RSRC1: variants seen among roughly 807,000 people sequenced by gnomAD.
RSRC1 encodes the protein arginine and serine rich coiled-coil 1.
RSRC1 carries 39 observed loss-of-function variants against 49.1 expected under a neutral mutation model. The ratio of observed to expected loss-of-function variants is 0.79; its 90% CI spans 0.61 to 1.04. The LOEUF (loss-of-function observed/expected upper bound fraction) is 1.04, where lower values mean the gene tolerates loss of function less well. Ranked by LOEUF, RSRC1 falls within the 50% of genes least tolerant of loss-of-function variation. The probability of loss-of-function intolerance (pLI) is 0.00; values close to 1 mark genes in which losing one functional copy is unlikely to be tolerated. For synonymous variants in RSRC1, 143 were observed against 130.8 expected (o/e 1.09, Z -0.63); for missense variants, 388 against 402.4 (o/e 0.96, Z 0.31).
At chr3:158,376,956 G>C (rs1456179646) in intron 6 of RSRC1, among the ~76,000 whole-genome samples, 4 of 152,114 alleles carry the variant, frequency 2.6e-5, no homozygotes, top group South Asian at 4.1e-4. Context: ...TGGGGGTGTT[G>C]TGTTATATAA....
In RSRC1 at chr3:158,252,230, C is replaced by T. The variant is rs548968533; in HGVS notation, c.495-45809C>T. Among the ~76,000 whole-genome samples, 9 of 151,388 alleles carry T rather than the reference C, an allele frequency of 5.9e-5. No individual in the cohort carries two copies. The South Asian group carries it at 6.2e-4, about 10-fold the overall frequency. On this transcript the variant is annotated intron_variant, in intron 4 of 9. Transcript: ENST00000611884. ...AGACTGGAGTGCAGTGGCATGATCTCGGCTCACCGCAAGCTCCACCTCCCG... is the reference window on the plus strand; with the variant it reads ...AGACTGGAGTGCAGTGGCATGATCTTGGCTCACCGCAAGCTCCACCTCCCG...
intron 7 of RSRC1, among the ~76,000 whole-genome samples, chr3:158,468,476 A>T (rs558652371): frequency 1.3e-5 from 2 of 152,262 alleles, no homozygotes; most frequent in South Asian, 4.1e-4. Context: ...TTCAGATGTT[A>T]TTTTTAAAGA....
chr3:158,148,845 G>A (rs1352260610), intron 3 of RSRC1, among the ~76,000 whole-genome samples: 2 of 151,092 alleles, frequency 1.3e-5, no homozygotes, highest in Non-Finnish European at 2.9e-5. Flanking sequence ...GTGCAATGGC[G>A]CGATCTCGGC....
intron 5 of RSRC1, among the ~76,000 whole-genome samples, chr3:158,317,123 G>A (rs1728509026): frequency 6.6e-6 from 1 of 152,218 alleles, no homozygotes; most frequent in African/African-American, 2.4e-5. Context: ...GAGAGCACAT[G>A]ACACCAAGCC....
intron 4 of RSRC1, among the ~76,000 whole-genome samples, chr3:158,229,719 A>T (rs1477358601): frequency 6.6e-6 from 1 of 151,844 alleles, no homozygotes; most frequent in Non-Finnish European, 1.5e-5. Flanking sequence ...TATGCCCTTT[A>T]TCCAGACTCA....
intron 4 of RSRC1, among the ~76,000 whole-genome samples, chr3:158,239,419 C>A (rs909485242): frequency 1.1e-4 from 17 of 152,206 alleles, no homozygotes; most frequent in South Asian, 8.3e-4. Flanking sequence ...ACGTTTATTG[C>A]AGCACTATTC....
At chr3:158,195,087 T>C (rs1578184385) in intron 3 of RSRC1, among the ~76,000 whole-genome samples, 1 of 152,218 alleles carries the variant, frequency 6.6e-6, no homozygotes, top group East Asian at 1.9e-4. Flanking sequence ...TCTTCCACCA[T>C]GGTTGAACTA....
chr3:158,130,148 A>G (rs1380487183), intron 3 of RSRC1, among the ~76,000 whole-genome samples: 1 of 152,000 alleles, frequency 6.6e-6, no homozygotes, highest in East Asian at 1.9e-4. Flanking sequence ...CTTGTGTCCC[A>G]TGTTACATTT....
At chr3:158,307,623 A>G (rs767903184) in intron 5 of RSRC1, among the ~76,000 whole-genome samples, 5 of 151,870 alleles carry the variant, frequency 3.3e-5, no homozygotes, top group Non-Finnish European at 7.4e-5. Context: ...TTAAAATTTA[A>G]AGGGCACTGC....
At chr3:158,336,439 C>T (rs1729894234) in intron 5 of RSRC1, 1 of 156,238 alleles carries the variant, frequency 6.4e-6, no homozygotes, top group South Asian at 2.0e-4. Context: ...TGACCCCCAG[C>T]TCCAGAGGGT....
At chr3:158,285,278 G>C (rs979658377) in intron 4 of RSRC1, among the ~76,000 whole-genome samples, 1 of 152,206 alleles carries the variant, frequency 6.6e-6, no homozygotes, top group African/African-American at 2.4e-5. Context: ...GCAGTACCAT[G>C]CTGTTTTGGT....
intron 5 of RSRC1, among the ~76,000 whole-genome samples, chr3:158,302,428 A>T (rs1343632765): frequency 1.3e-5 from 2 of 152,070 alleles, no homozygotes; most frequent in Non-Finnish European, 2.9e-5. Flanking sequence ...AACTTAAGAA[A>T]ATAATTTTTT....
At chr3:158,374,633 C>T (rs917635575) in intron 6 of RSRC1, among the ~76,000 whole-genome samples, 1 of 152,116 alleles carries the variant, frequency 6.6e-6, no homozygotes, top group Non-Finnish European at 1.5e-5. Context: ...ATATTCAATT[C>T]ATCTAAATGA....
chr3:158,353,917 TTTG>T (rs1252211125), intron 5 of RSRC1, among the ~76,000 whole-genome samples: 4 of 152,108 alleles, frequency 2.6e-5, no homozygotes, highest in South Asian at 4.1e-4. Flanking sequence ...CATGATATAA[TTTG>T]TTGTTGTTGT....
intron 2 of RSRC1, among the ~76,000 whole-genome samples, chr3:158,123,316 A>C (rs944987246): frequency 1.3e-5 from 2 of 151,432 alleles, no homozygotes; most frequent in Admixed American, 1.3e-4. Context: ...CTTAATTTTA[A>C]ATTTTTTTAG....
intron 6 of RSRC1, among the ~76,000 whole-genome samples, chr3:158,424,399 T>G (rs1230049308): frequency 6.6e-6 from 1 of 152,094 alleles, no homozygotes; most frequent in Non-Finnish European, 1.5e-5. Flanking sequence ...TTGCATATGT[T>G]GAACCAGCCT....
chr3:158,168,530 T>C (rs1171364469), intron 3 of RSRC1, among the ~76,000 whole-genome samples: 1 of 152,242 alleles, frequency 6.6e-6, no homozygotes, highest in Non-Finnish European at 1.5e-5. Context: ...AACATCTCAG[T>C]GATTTTCATT....
chr3:158,514,938 A>G (rs1197766812), intron 7 of RSRC1, among the ~76,000 whole-genome samples: 1 of 151,564 alleles, frequency 6.6e-6, no homozygotes, highest in Non-Finnish European at 1.5e-5. Flanking sequence ...TAGGATTGCA[A>G]CCCCTACCTT....
chr3:158,112,892 G>T (rs1435647358), intron 1 of RSRC1, among the ~76,000 whole-genome samples: 5 of 152,124 alleles, frequency 3.3e-5, no homozygotes, highest in African/African-American at 1.2e-4. Context: ...GAGAATATGC[G>T]GTGTTTGGTT....
Sources: gnomAD v4.1 joint callset for allele counts (sites outside exome capture counted in the v4.1 genomes callset) on GRCh38, gnomAD v4.1.1 for gene constraint, MANE v1.5 for transcripts, NCBI Gene and HGNC (gene_info 2026-07-23, HGNC 2026-07-21) for gene names.